Variants in GOLGB1 observed in about 807,000 individuals in gnomAD.
GOLGB1 encodes golgin B1.
Under a neutral mutation model 336.9 loss-of-function variants are expected in GOLGB1, and 174 were observed. The ratio of observed to expected loss-of-function variants is 0.52; its 90% CI spans 0.46 to 0.59. The LOEUF (loss-of-function observed/expected upper bound fraction) is 0.59, where lower values mean the gene tolerates loss of function less well. Among genes scored for constraint, GOLGB1 ranks in the 20% least tolerant of loss-of-function variants. The pLI, the probability that GOLGB1 is intolerant of heterozygous loss-of-function variation, is 0.00. For missense variants in GOLGB1, 3,331 were observed against 3,645.3 expected, an observed-to-expected ratio of 0.91 and a Z score of 2.22; for synonymous variants, 1,208 against 1,289.2, an observed-to-expected ratio of 0.94 and a Z score of 1.35.
Position 121,696,797 on chromosome 3 carries a change from C to G in GOLGB1, c.3726G>C (p.Gln1242His). 3 of 1,614,118 alleles carry G rather than the reference C, an allele frequency of 1.9e-6. No homozygotes were observed. Among genetic ancestry groups the G allele is most frequent in the Non-Finnish European group, 2.5e-6 (3 of 1,179,976 alleles). ...CGTCTATGGATTCCCTTACTTGAAT[C>G]TGGAGTTGCCTTAGCTGGTCTCCAA... ...ENIGDQLRQL[Q>H]IQVRESIDGK... The change falls in exon 13 of 22, where the codon CAG (glutamine) becomes CAC (histidine). Residue 1242 changes from glutamine (Q) to histidine (H), a missense_variant. By Grantham distance (24) the Gln-to-His change is conservative. Transcript: ENST00000614479.
intron 7 of GOLGB1, among the ~76,000 whole-genome samples, 172 bp downstream of exon 7, chr3:121,719,474 G>T (rs1310811323): frequency 6.6e-6 from 1 of 151,972 alleles, no homozygotes; most frequent in African/African-American, 2.4e-5. Flanking sequence ...GGCAAGAAAA[G>T]GATAAGAAAA....
chr3:121,729,083 G>C, intron 4 of GOLGB1, 105 bp downstream of exon 4: 1 of 750,024 alleles, frequency 1.3e-6, no homozygotes, highest in Non-Finnish European at 2.2e-6. Context: ...ACATTATTTA[G>C]TGCTGTATCA....
intron 10 of GOLGB1, among the ~76,000 whole-genome samples, chr3:121,714,193 G>C (rs1944574220): frequency 6.6e-6 from 1 of 152,188 alleles, no homozygotes; most frequent in Non-Finnish European, 1.5e-5. Context: ...CAATATGTTT[G>C]TGAGTTTGGA....
intron 14 of GOLGB1, among the ~76,000 whole-genome samples, chr3:121,684,739 TA>T (rs1941537967): frequency 6.6e-6 from 1 of 152,216 alleles, no homozygotes; most frequent in Non-Finnish European, 1.5e-5. Context: ...ACATTTTCAA[TA>T]AATTTACCTT....
At chr3:121,747,021 GGTAA>G (rs1355879127) in intron 1 of GOLGB1, among the ~76,000 whole-genome samples, 1 of 150,482 alleles carries the variant, frequency 6.6e-6, no homozygotes, top group Non-Finnish European at 1.5e-5. Flanking sequence ...TTAATAGTTA[GGTAA>G]GTACTTTTTT....
intron 9 of GOLGB1, among the ~76,000 whole-genome samples, chr3:121,715,226 C>T (rs372546467): frequency 1.4e-5 from 2 of 140,468 alleles, no homozygotes; most frequent in African/African-American, 2.6e-5. Context: ...TTTTTTGATA[C>T]GGAGTCTCCC....
chr3:121,746,936 T>C (rs1314888148), intron 1 of GOLGB1, among the ~76,000 whole-genome samples: 1 of 151,854 alleles, frequency 6.6e-6, no homozygotes, highest in Non-Finnish European at 1.5e-5. Flanking sequence ...GAAAATATTT[T>C]ATTTTCTGAA....
intron 14 of GOLGB1, among the ~76,000 whole-genome samples, chr3:121,684,134 A>AAAAAAAAAAAAAAAAAAAC: frequency 2.0e-5 from 3 of 148,020 alleles, no homozygotes; most frequent in Non-Finnish European, 3.0e-5. Context: ...TCTCAAAAAA[A>AAAAAAAAAAAAAAAAAAAC]AAAAAAAAAA....
Position 121,730,964 on chromosome 3 carries a change from C to T in GOLGB1, c.8G>A (p.Ser3Asn). ...AACATTTGCTAATCCTGATAATCGG[C>T]TCAGCATTTCTGTAGGAAAAGAAGG... ML[S>N]RLSGLANVVL... The change falls in exon 2 of 22, where the codon AGC becomes AAC. Residue 3 changes from serine (S) to asparagine (N), a missense_variant. Ser to Asn is a conservative substitution (Grantham distance 46). Transcript: ENST00000614479. The T allele has an allele frequency of 6.2e-7, 1 of 1,611,368 alleles. No individual in the cohort carries two copies. Among genetic ancestry groups the T allele is most frequent in the Non-Finnish European group, 8.5e-7 (1 of 1,179,328 alleles).
At chr3:121,710,714 G>A (rs9808981) in intron 10 of GOLGB1, among the ~76,000 whole-genome samples, 34,319 of 151,772 alleles carry the variant, frequency 0.23, 4,177 homozygotes, top group East Asian at 0.46. Flanking sequence ...AAAAATAGCC[G>A]GGCATGGTGG....
Position 121,677,181 on chromosome 3 carries a change from G to A in GOLGB1, c.9039+104C>T, listed in dbSNP as rs1407504308. 3 of 1,207,974 alleles carry A rather than the reference G, an allele frequency of 2.5e-6. No homozygotes were observed. In the Admixed American group the frequency reaches 6.4e-5, roughly 26 times the overall value. 74.8% of individuals were successfully genotyped at this position (1,207,974 alleles called of 1,614,324 possible). Reference sequence around the variant, plus strand: ...ATGGGCACTTAATTTGTAGGAAGCTGATGCTTTCTGGGTAGCGTCTTAAAA... The same window carrying A: ...ATGGGCACTTAATTTGTAGGAAGCTAATGCTTTCTGGGTAGCGTCTTAAAA... On this transcript the variant is annotated intron_variant, in intron 16 of 21. Coordinates refer to ENST00000614479, the MANE Select transcript of GOLGB1 (RefSeq NM_001366282.2).
At chr3:121,730,271 G>A (rs956399304) in intron 2 of GOLGB1, 3 of 329,902 alleles carry the variant, frequency 9.1e-6, no homozygotes, top group Non-Finnish European at 1.6e-5. Context: ...AAAAATAAAG[G>A]AAAGCAAAAA....
intron 4 of GOLGB1, among the ~76,000 whole-genome samples, chr3:121,727,744 C>A (rs1945785903): frequency 6.6e-6 from 1 of 152,050 alleles, no homozygotes; most frequent in Admixed American, 6.6e-5. Flanking sequence ...CTCCCAACCC[C>A]CTAAACAAAG....
intron 1 of GOLGB1, among the ~76,000 whole-genome samples, chr3:121,745,790 T>C (rs75360603): frequency 0.02 from 3,000 of 152,292 alleles, 81 homozygotes; most frequent in African/African-American, 0.068. Flanking sequence ...CCTCAGTCTA[T>C]GCTGGTCACA....
chr3:121,669,300 C>T lies in GOLGB1; in HGVS notation c.9233G>A (p.Ser3078Asn). 6.2e-7 allele frequency: 1 copy of T among 1,613,664 alleles called. No individual in the cohort carries two copies. Among genetic ancestry groups the T allele is most frequent in the Non-Finnish European group, 8.5e-7 (1 of 1,179,546 alleles). Residue 3078 changes from serine (S) to asparagine (N), a missense_variant, in exon 18 of 22, where the codon AGT becomes AAT. By Grantham distance (46) the Ser-to-Asn change is conservative (BLOSUM62 1). Transcript: ENST00000614479. ...CTGCTGGTTCTCACGAAGACTCTGA[C>T]TGGTATCGCAGAGCTGAATGGAAAG... ...NTLSIQLCDTSQSLRENQQHY... is the reference protein window; with the variant it reads ...NTLSIQLCDTNQSLRENQQHY...
At chr3:121,712,200 A>G (rs1944409426) in intron 10 of GOLGB1, among the ~76,000 whole-genome samples, 1 of 152,204 alleles carries the variant, frequency 6.6e-6, no homozygotes, top group Admixed American at 6.5e-5. Flanking sequence ...AAAAGAATCC[A>G]ATGAGGAAAG....
chr3:121,666,819 C>G (rs976270850), intron 20 of GOLGB1, among the ~76,000 whole-genome samples: 4 of 152,196 alleles, frequency 2.6e-5, no homozygotes, highest in African/African-American at 9.7e-5. Flanking sequence ...ACTCTCTATC[C>G]TCTCATGCAT....
intron 14 of GOLGB1, among the ~76,000 whole-genome samples, chr3:121,686,664 T>TAC (rs35557945): frequency 1.1e-4 from 17 of 151,050 alleles, no homozygotes; most frequent in South Asian, 6.3e-4. Flanking sequence ...ATTAAACATA[T>TAC]ACACACACAC....
intron 11 of GOLGB1, among the ~76,000 whole-genome samples, chr3:121,701,549 A>G (rs937772028): frequency 6.6e-6 from 1 of 152,176 alleles, no homozygotes; most frequent in Non-Finnish European, 1.5e-5. Context: ...TGTAGTAGTC[A>G]GTTAAAGATG....
Sources: allele counts gnomAD v4.1 joint callset (sites outside exome capture counted in the v4.1 genomes callset), GRCh38; gene constraint gnomAD v4.1.1; transcripts MANE v1.5; gene names NCBI Gene and HGNC (gene_info 2026-07-23, HGNC 2026-07-21).